PDE6A: variants seen among roughly 807,000 people sequenced by gnomAD.
The protein encoded by PDE6A is rod cGMP-specific 3',5'-cyclic phosphodiesterase subunit alpha.
A neutral mutation model predicts 106.3 loss-of-function variants in PDE6A; 84 were observed. That is an observed-to-expected ratio of 0.79 (90% CI 0.66 to 0.95). The LOEUF is 0.95. PDE6A is among the 40% of genes least tolerant of loss of function. The pLI is 0.00. For missense variants in PDE6A, 1,052 were observed against 1,084.9 expected (o/e 0.97, Z 0.43); for synonymous variants, 394 against 386.6 (o/e 1.02, Z -0.23).
chr5:149,937,015 G>A (rs929731544), intron 1 of PDE6A, among the ~76,000 whole-genome samples: 7 of 152,302 alleles, frequency 4.6e-5, no homozygotes, highest in Middle Eastern at 6.8e-3. Flanking sequence ...AAACAACTAG[G>A]CATTCTTCCT....
chr5:149,899,211 C>T (rs1752872725), intron 9 of PDE6A, among the ~76,000 whole-genome samples, 164 bp downstream of exon 9: 1 of 152,142 alleles, frequency 6.6e-6, no homozygotes, highest in Non-Finnish European at 1.5e-5. Flanking sequence ...TCTGACAGCA[C>T]ATCAGTGCAG....
chr5:149,866,030 C>T (rs910837415), intron 20 of PDE6A, 140 bp downstream of exon 20: 32 of 693,426 alleles, frequency 4.6e-5, no homozygotes, highest in Non-Finnish European at 7.2e-5. Flanking sequence ...TCCTGAGAAT[C>T]GAATGCCATT....
intron 1 of PDE6A, chr5:149,939,978 G>A (rs1754284901): frequency 6.6e-6 from 1 of 150,932 alleles, no homozygotes; most frequent in East Asian, 1.9e-4. Context: ...GAATGCCTGA[G>A]TTCAAATCAT....
At chr5:149,879,429 A>G (rs1161045029) in intron 17 of PDE6A, among the ~76,000 whole-genome samples, 1 of 126,540 alleles carries the variant, frequency 7.9e-6, no homozygotes, top group African/African-American at 3.1e-5. Context: ...TTTTTTTTTT[A>G]TTATTGTTAT....
At position 149,863,315 on chromosome 5, in the gene PDE6A, C is replaced by G. The variant is rs80109118; in HGVS notation, c.2359-49G>C. ...TGGTGCAAGGGCCAGGCCACAGGGT[C>G]TGGGCTCAAGCGGGTGGCACAGCTG... is the stretch of plus-strand genomic sequence containing the variant. On this transcript the variant is annotated intron_variant, in intron 20 of 21. Coordinates refer to ENST00000255266, the MANE Select transcript of PDE6A (RefSeq NM_000440.3). This position sits in a 1 kb window ranked among gnomAD's most constrained non-coding sequence, Gnocchi z 4.7. 6.2e-7 allele frequency: 1 copy of G among 1,605,078 alleles called. No individual in the cohort carries two copies. The highest frequency in any genetic ancestry group is 2.2e-5 in the East Asian group (1 of 44,834).
In PDE6A at chr5:149,892,224, G is replaced by A. The variant is rs754721686; in HGVS notation, c.1728+2959C>T. Reference sequence around the variant, plus strand: ...TTAGCTACTTGGGAGGCTGAGATGGGAGGATCACTTGAACCCAGGAGTTTG... The same window carrying A: ...TTAGCTACTTGGGAGGCTGAGATGGAAGGATCACTTGAACCCAGGAGTTTG... On this transcript the variant is annotated intron_variant, in intron 13 of 21. Coordinates refer to ENST00000255266, the MANE Select transcript of PDE6A (RefSeq NM_000440.3). Among the ~76,000 whole-genome samples the A allele has an allele frequency of 3.4e-4, 51 of 152,054 alleles. 1 individual carries two copies. The highest frequency in any genetic ancestry group is 1.0e-4 in the Non-Finnish European group (7 of 68,028).
chr5:149,903,162 A>AAC (rs1023859456), intron 8 of PDE6A, among the ~76,000 whole-genome samples: 3 of 149,210 alleles, frequency 2.0e-5, no homozygotes, highest in East Asian at 3.9e-4. Flanking sequence ...AAAAAAAAAA[A>AAC]AAAAAACAAA....
chr5:149,896,593 C>T, intron 11 of PDE6A, 91 bp from the exon 12 acceptor site: 1 of 1,613,722 alleles, frequency 6.2e-7, no homozygotes, highest in Non-Finnish European at 8.5e-7. Flanking sequence ...CCTGGGTCTG[C>T]TGGAAGGATC....
intron 4 of PDE6A, among the ~76,000 whole-genome samples, chr5:149,926,585 C>T (rs187865424): frequency 6.6e-6 from 1 of 152,236 alleles, no homozygotes; most frequent in Admixed American, 6.5e-5. Flanking sequence ...GAAAGATTTC[C>T]TCATTACAGC....
chr5:149,895,992 A>C (rs1188171950), intron 12 of PDE6A, among the ~76,000 whole-genome samples: 1 of 152,114 alleles, frequency 6.6e-6, no homozygotes, highest in East Asian at 1.9e-4. Flanking sequence ...CTCACAGCAA[A>C]CCTTAGTAAG....
In PDE6A at chr5:149,867,664, T is replaced by C; in HGVS notation, c.2274+61A>G. The C allele has an allele frequency of 4.2e-6, 6 of 1,415,762 alleles. No individual in the cohort carries two copies. In the Admixed American group the frequency reaches 6.8e-5, roughly 16 times the overall value. 87.7% of individuals were successfully genotyped at this position (1,415,762 alleles called of 1,614,324 possible). A position where few individuals can be genotyped will look rare whatever the true frequency, so the allele number is the denominator to read the frequency against. On this transcript the variant is annotated intron_variant, in intron 19 of 21. Coordinates refer to ENST00000255266, the MANE Select transcript of PDE6A (RefSeq NM_000440.3). ...ACATCTCTCCATCATGGCGAGGTCA[T>C]ATCTAGGTCAGGATGGAGCACACAC...
chr5:149,920,512 A>T (rs990536862), intron 5 of PDE6A, among the ~76,000 whole-genome samples: 4 of 152,112 alleles, frequency 2.6e-5, no homozygotes, highest in African/African-American at 4.8e-5. Flanking sequence ...ATCGGGAGGC[A>T]GAGGTTGCAG....
In PDE6A at chr5:149,921,655, G is replaced by A. The variant is rs1753725584; in HGVS notation, c.913C>T (p.Pro305Ser). ...CGTACTCTTCCATCCGGAGTCCTGG[G>A]ACCAGAGTAAGGTGGAACTTCACCC... The part of the protein sequence containing the change: ...LMGEVPPYSG[P>S]RTPDGREINF... The change falls in exon 5 of 22, where the codon CCC (proline) becomes TCC (serine). Residue 305 changes from proline (P) to serine (S), a missense_variant. Physicochemically the swap from Pro to Ser is moderately conservative, Grantham distance 74. This residue lies in a region of PDE6A where 913 missense variants were observed against 915.2 expected (regional missense o/e 1.00). Coordinates refer to ENST00000255266, the MANE Select transcript of PDE6A (RefSeq NM_000440.3). 2 of 1,613,704 alleles carry A rather than the reference G, an allele frequency of 1.2e-6. No homozygotes were observed. Among genetic ancestry groups the A allele is most frequent in the East Asian group, 4.5e-5 (2 of 44,876 alleles).
chr5:149,903,701 A>C lies in PDE6A; in HGVS notation c.1066-6T>G. On this transcript the variant is annotated splice_polypyrimidine_tract_variant and splice_region_variant and intron_variant, in intron 7 of 21. Transcript: ENST00000255266. ...GCATTCATGATGTTGCAAATCTGAGAGCAGTGAAGGGGAATAATGAAGGTG... is the reference window on the plus strand; with the variant it reads ...GCATTCATGATGTTGCAAATCTGAGCGCAGTGAAGGGGAATAATGAAGGTG... 6.2e-7 allele frequency: 1 copy of C among 1,613,046 alleles called. No homozygotes were observed. The highest frequency in any genetic ancestry group is 8.5e-7 in the Non-Finnish European group (1 of 1,179,028).
At chr5:149,941,084 C>T (rs1335205272) in intron 1 of PDE6A, among the ~76,000 whole-genome samples, 1 of 152,068 alleles carries the variant, frequency 6.6e-6, no homozygotes, top group African/African-American at 2.4e-5. Context: ...TGGGCCCTGC[C>T]GTAATGGGAC....
chr5:149,895,374 A>G, intron 12 of PDE6A, 84 bp from the exon 13 acceptor site: 1 of 883,044 alleles, frequency 1.1e-6, no homozygotes, highest in East Asian at 2.5e-5. Context: ...TGAAGAAGGC[A>G]TGGCCCATGG....
chr5:149,932,807 G>A (rs1754080486), intron 3 of PDE6A: 1 of 762,852 alleles, frequency 1.3e-6, no homozygotes, highest in South Asian at 1.8e-5. Context: ...TGGATTGAGA[G>A]ACACTTTTGT....
At chr5:149,876,399 G>A (rs575654171) in intron 17 of PDE6A, among the ~76,000 whole-genome samples, 43 of 147,732 alleles carry the variant, frequency 2.9e-4, no homozygotes, top group African/African-American at 9.1e-4. Flanking sequence ...TGCCCAGGCT[G>A]GAGGGCAGTG....
chr5:149,884,348 GTA>G (rs1200627677), intron 16 of PDE6A, 129 bp downstream of exon 16: 31 of 667,132 alleles, frequency 4.6e-5, no homozygotes, highest in Admixed American at 1.3e-4. Context: ...ATATATGTGT[GTA>G]TATATGTGTA....
Sources: allele counts gnomAD v4.1 joint callset (sites outside exome capture counted in the v4.1 genomes callset), GRCh38; gene constraint gnomAD v4.1.1; regional missense constraint gnomAD v4.1.1; non-coding constraint Gnocchi (gnomAD v3.1); transcripts MANE v1.5; gene names NCBI Gene and HGNC (gene_info 2026-07-23, HGNC 2026-07-21).